PCDHGA3: variants seen among roughly 807,000 people sequenced by gnomAD.
PCDHGA3 encodes the protein protocadherin gamma subfamily A, 3.
A neutral mutation model predicts 58.5 loss-of-function variants in PCDHGA3; 40 were observed. The observed-to-expected ratio is 0.68, with a 90% CI of 0.53 to 0.89. The LOEUF is 0.89. Among genes scored for constraint, PCDHGA3 ranks in the 40% least tolerant of loss-of-function variants. PCDHGA3 has a pLI of 0.00. For missense variants in PCDHGA3, 1,223 were observed against 1,195.9 expected (o/e 1.02, Z -0.33); for synonymous variants, 530 against 525.7 (o/e 1.01, Z -0.11).
chr5:141,394,756 A>G (rs757241753), intron 1 of PCDHGA3: 4 of 1,613,324 alleles, frequency 2.5e-6, no homozygotes, highest in East Asian at 4.5e-5. Flanking sequence ...GCCGTCCAGG[A>G]CCATGGCCAG....
intron 1 of PCDHGA3, chr5:141,389,882 G>A: frequency 6.2e-7 from 1 of 1,614,082 alleles, no homozygotes; most frequent in Non-Finnish European, 8.5e-7. Flanking sequence ...CCGACAGCTT[G>A]CAGGAGGTGC....
At chr5:141,361,190 T>C (rs1390413762) in intron 1 of PCDHGA3, 1 of 1,613,846 alleles carries the variant, frequency 6.2e-7, no homozygotes, top group Admixed American at 1.7e-5. Flanking sequence ...GTGACTTCAG[T>C]ATCTACTCCC....
At chr5:141,351,297 T>C (rs1758686491) in intron 1 of PCDHGA3, 2 of 1,613,958 alleles carry the variant, frequency 1.2e-6, no homozygotes, top group Non-Finnish European at 1.7e-6. Flanking sequence ...GTGACATTCA[T>C]GTCCTTCTCT....
chr5:141,418,928 A>T (rs762769886), intron 1 of PCDHGA3: 1 of 1,613,978 alleles, frequency 6.2e-7, no homozygotes, highest in East Asian at 2.2e-5. Context: ...TGATCAGATT[A>T]TGGAGGATTC....
chr5:141,432,569 C>T lies in PCDHGA3; in HGVS notation c.2425-62238C>T. The T allele has an allele frequency of 6.2e-7, 1 of 1,613,920 alleles. No homozygotes were observed. On this transcript the variant is annotated intron_variant, in intron 1 of 3. Coordinates refer to ENST00000253812, the MANE Select transcript of PCDHGA3 (RefSeq NM_018916.4). This position sits in a 1 kb window ranked among gnomAD's most constrained non-coding sequence, Gnocchi z 6.0. ...CAGAGACTCCGGCCAGAACGCCTGG[C>T]TGTCCTACCGTCTGCTCAAGGCCAG...
chr5:141,390,568 C>G (rs2092182781), intron 1 of PCDHGA3: 3 of 414,984 alleles, frequency 7.2e-6, no homozygotes, highest in East Asian at 4.5e-5. Flanking sequence ...GTTGTTGGCT[C>G]TCTCCTAAAA....
At chr5:141,404,403 A>G (rs767148207) in intron 1 of PCDHGA3, 2 of 1,613,896 alleles carry the variant, frequency 1.2e-6, no homozygotes, top group East Asian at 4.5e-5. Flanking sequence ...AGCAATGAGA[A>G]TTCTAGAGTT....
rs1177173734 is a variant in PCDHGA3, at chr5:141,491,741, G to A, written c.2425-3066G>A. ...CCGCCCCGGGCGACCCCTGGGGGCG[G>A]CACTGGAGAAGCCGCCCGTCCTCAT... On this transcript the variant is annotated intron_variant, in intron 1 of 3. Coordinates refer to ENST00000253812, the MANE Select transcript of PCDHGA3 (RefSeq NM_018916.4). The surrounding 1 kb of genome is among the most constrained non-coding windows in gnomAD (Gnocchi z 6.9). 1.9e-6 allele frequency: 3 copies of A among 1,595,644 alleles called. No homozygotes were observed. In the South Asian group the frequency reaches 3.4e-5, roughly 18 times the overall value.
At chr5:141,376,675 C>CGTTTTTT (rs1773024325) in intron 1 of PCDHGA3, 1 of 343,980 alleles carries the variant, frequency 2.9e-6, no homozygotes, top group African/African-American at 3.4e-5. Context: ...GTGAGGGTAT[C>CGTTTTTT]GTTTTTTTTT....
intron 1 of PCDHGA3, chr5:141,350,769 A>G (rs1355616601): frequency 1.2e-6 from 2 of 1,613,850 alleles, no homozygotes; most frequent in African/African-American, 1.3e-5. Context: ...TACACCATCA[A>G]CCCCAATCAA....
chr5:141,370,196 T>C (rs1298112145), intron 1 of PCDHGA3: 4 of 533,354 alleles, frequency 7.5e-6, no homozygotes, highest in Admixed American at 3.6e-5. Context: ...GCTAGTGCTG[T>C]GCAAAATATT....
intron 1 of PCDHGA3, chr5:141,393,579 C>A: frequency 6.2e-7 from 1 of 1,613,888 alleles, no homozygotes; most frequent in South Asian, 1.1e-5. Flanking sequence ...TGAGAACATG[C>A]CCCCAGGCAC....
chr5:141,497,693 C>T (rs2099778709), intron 2 of PCDHGA3, among the ~76,000 whole-genome samples: 2 of 152,136 alleles, frequency 1.3e-5, no homozygotes, highest in Admixed American at 6.5e-5. Context: ...GTGTGCACCA[C>T]CACACCCAGC....
At chr5:141,445,964 T>C (rs1199096510) in intron 1 of PCDHGA3, among the ~76,000 whole-genome samples, 2 of 152,280 alleles carry the variant, frequency 1.3e-5, no homozygotes, top group South Asian at 4.1e-4. Context: ...ATATGGAGAA[T>C]TGATTTATGA....
In PCDHGA3 at chr5:141,431,469, A is replaced by G; in HGVS notation, c.2425-63338A>G. 1.9e-6 allele frequency: 3 copies of G among 1,613,824 alleles called. No individual in the cohort carries two copies. Among genetic ancestry groups the G allele is most frequent in the Non-Finnish European group, 2.5e-6 (3 of 1,179,968 alleles). ...CGCGTGATGGTTCTGGATGCGAACG[A>G]CAACGCACCAGCGTTTGCTCAGCCC... is the stretch of plus-strand genomic sequence containing the variant. On this transcript the variant is annotated intron_variant, in intron 1 of 3. Coordinates refer to ENST00000253812, the MANE Select transcript of PCDHGA3 (RefSeq NM_018916.4). This position sits in a 1 kb window ranked among gnomAD's most constrained non-coding sequence, Gnocchi z 4.8.
intron 1 of PCDHGA3, among the ~76,000 whole-genome samples, chr5:141,482,089 CA>C (rs36035257): frequency 0.43 from 58,297 of 134,322 alleles, 12,050 homozygotes; most frequent in African/African-American, 0.53. Context: ...CACTCCATCT[CA>C]AAAAAAAAAA....
At chr5:141,499,438 G>A (rs2154592492) in intron 2 of PCDHGA3, among the ~76,000 whole-genome samples, 1 of 152,158 alleles carries the variant, frequency 6.6e-6, no homozygotes, top group Admixed American at 6.5e-5. Context: ...AAAATTAAAA[G>A]GAAAACCACC....
At chr5:141,384,697 C>A in intron 1 of PCDHGA3, 1 of 1,614,142 alleles carries the variant, frequency 6.2e-7, no homozygotes, top group South Asian at 1.1e-5. Flanking sequence ...AGATTCAGGC[C>A]AGAACGCCTG....
rs148995268 is a variant in PCDHGA3, at chr5:141,486,253, C to T, written c.2425-8554C>T. On this transcript the variant is annotated intron_variant, in intron 1 of 3. Coordinates refer to ENST00000253812, the MANE Select transcript of PCDHGA3 (RefSeq NM_018916.4). The surrounding 1 kb of genome is among the most constrained non-coding windows in gnomAD (Gnocchi z 5.0). The stretch of plus-strand genomic sequence containing the variant: ...TGACCTCAGAGCTTGGAACCCTCCC[C>T]GAGAGTGCAGAACCTGGCACTGTGG... 8 of 1,614,020 alleles carry T rather than the reference C, an allele frequency of 5.0e-6. No individual in the cohort carries two copies. The African/African-American group carries it at 8.0e-5, about 16-fold the overall frequency.
Sources: allele counts gnomAD v4.1 joint callset (sites outside exome capture counted in the v4.1 genomes callset), GRCh38; gene constraint gnomAD v4.1.1; non-coding constraint Gnocchi (gnomAD v3.1); transcripts MANE v1.5; gene names NCBI Gene and HGNC (gene_info 2026-07-23, HGNC 2026-07-21).